Variants in CSMD1 observed in about 807,000 individuals in gnomAD.
CSMD1 encodes the protein CUB and Sushi multiple domains 1.
A neutral mutation model predicts 417.5 loss-of-function variants in CSMD1; 213 were observed. The observed-to-expected ratio is 0.51, with a 90% CI of 0.46 to 0.57. The LOEUF (loss-of-function observed/expected upper bound fraction) is 0.57, where lower values mean the gene tolerates loss of function less well. Among genes scored for constraint, CSMD1 ranks in the 20% least tolerant of loss-of-function variants. The pLI is 0.00. For synonymous variants in CSMD1, 2,862 were observed against 1,736.8 expected, an observed-to-expected ratio of 1.65 and a Z score of -16.11; for missense variants, 6,923 against 4,529.7, an observed-to-expected ratio of 1.53 and a Z score of -15.17.
rs142746744 is a variant in CSMD1 at position 4,165,828 on chromosome 8, C to A, written c.416-133729G>T. On this transcript the variant is annotated intron_variant, in intron 3 of 69. Coordinates refer to ENST00000635120, the MANE Select transcript of CSMD1 (RefSeq NM_033225.6). ...TTATGTCACTCTTACTAGGTTGTTG[C>A]AAAACTAATTGCGTTTTTTGCCATT... 2.6e-5 allele frequency among the ~76,000 whole-genome samples: 4 copies of A among 152,310 alleles called. No homozygotes were observed. In the East Asian group the frequency reaches 7.7e-4, roughly 29 times the overall value.
intron 26 of CSMD1, among the ~76,000 whole-genome samples, chr8:3,240,405 C>T (rs1799420376): frequency 7.2e-6 from 1 of 138,074 alleles, no homozygotes; most frequent in South Asian, 2.7e-4. Flanking sequence ...CGAAAGTATC[C>T]AACCATGCCT....
At chr8:4,131,756 CTTTTTTTTTTTT>C (rs10650865) in intron 3 of CSMD1, among the ~76,000 whole-genome samples, 1 of 87,426 alleles carries the variant, frequency 1.1e-5, no homozygotes, top group Non-Finnish European at 2.0e-5. Context: ...ACAAATGTGA[CTTTTTTTTTTTT>C]TTTTTTTTTT....
At position 3,284,173 on chromosome 8, in the gene CSMD1, C is replaced by A. The variant is rs141191857; in HGVS notation, c.4124G>T (p.Ser1375Ile). Residue 1375 changes from serine to isoleucine, a missense_variant, in exon 26 of 70, where the codon AGC (serine) becomes ATC (isoleucine). Ser to Ile is a moderately radical substitution (Grantham distance 142). Transcript: ENST00000635120. ...TLQFDSDFFI[S>I]KSGFSIQFST... ...GAACTGGATGGAGAAGCCAGACTTG[C>A]TGATGAAGAAGTCGCTGTCGAACTG... The A allele has an allele frequency of 1.9e-6, 3 of 1,582,468 alleles. No individual in the cohort carries two copies. Among genetic ancestry groups the A allele is most frequent in the Non-Finnish European group, 2.6e-6 (3 of 1,164,650 alleles).
At chr8:3,068,198 G>A (rs544769784) in intron 49 of CSMD1, among the ~76,000 whole-genome samples, 77 of 151,970 alleles carry the variant, frequency 5.1e-4, no homozygotes, top group African/African-American at 1.8e-3. Context: ...TTTTCTTCTT[G>A]TCATTTCTAA....
At position 4,656,770 on chromosome 8, in the gene CSMD1, G is replaced by T. The variant is rs114304807; in HGVS notation, c.86-19212C>A. Among the ~76,000 whole-genome samples, 371 of 152,014 alleles carry T rather than the reference G, an allele frequency of 2.4e-3. 4 individuals carry two copies. Among genetic ancestry groups the T allele is most frequent in the African/African-American group, 8.7e-3 (359 of 41,478 alleles). On this transcript the variant is annotated intron_variant, in intron 1 of 69. Coordinates refer to ENST00000635120, the MANE Select transcript of CSMD1 (RefSeq NM_033225.6). ...AATGCCGCAGGAGGCAGTGGCAGAC[G>T]TGATCCTAGAAAGGACCGTCCTGCG...
chr8:3,311,773 G>C (rs572989389), intron 23 of CSMD1, among the ~76,000 whole-genome samples: 79 of 150,330 alleles, frequency 5.3e-4, no homozygotes, highest in Middle Eastern at 3.4e-3. Flanking sequence ...TGATTGTACA[G>C]AAGCGTTTAT....
rs528297431 is a variant in CSMD1 at position 4,929,162 on chromosome 8, G to C, written c.85+65170C>G. Among the ~76,000 whole-genome samples, 4 of 152,282 alleles carry C rather than the reference G, an allele frequency of 2.6e-5. No individual in the cohort carries two copies. In the South Asian group the frequency reaches 6.2e-4, roughly 24 times the overall value. ...GAGAAGATGTGGACACACAGAGAAA[G>C]ACATCAGAGAAGCTCCTGCAAAGGG... On this transcript the variant is annotated intron_variant, in intron 1 of 69. Transcript: ENST00000635120.
chr8:3,945,415 G>A (rs964872253), intron 5 of CSMD1, among the ~76,000 whole-genome samples: 6 of 151,766 alleles, frequency 4.0e-5, no homozygotes, highest in African/African-American at 9.7e-5. Context: ...TTTTTGGGGG[G>A]GCATATTACA....
chr8:4,250,455 G>C (rs1453528691), intron 3 of CSMD1, among the ~76,000 whole-genome samples: 1 of 152,102 alleles, frequency 6.6e-6, no homozygotes, highest in Non-Finnish European at 1.5e-5. Flanking sequence ...ATACATGAGT[G>C]ATATTTGGGT....
At chr8:3,793,270 C>T (rs183052902) in intron 5 of CSMD1, among the ~76,000 whole-genome samples, 6 of 152,336 alleles carry the variant, frequency 3.9e-5, no homozygotes, top group Admixed American at 1.3e-4. Flanking sequence ...GCGACTGCAG[C>T]AGTCTCTCAG....
chr8:4,653,777 T>C (rs997091572), intron 1 of CSMD1, among the ~76,000 whole-genome samples: 2 of 152,136 alleles, frequency 1.3e-5, no homozygotes, highest in Non-Finnish European at 1.5e-5. Flanking sequence ...GTGTAGTAGA[T>C]ATTATTTTGA....
chr8:4,964,502 CAAAAAAAAAA>C (rs10622416), intron 1 of CSMD1, among the ~76,000 whole-genome samples: 1 of 105,976 alleles, frequency 9.4e-6, no homozygotes, highest in Admixed American at 1.2e-4. Context: ...ACCCTGTCTC[CAAAAAAAAAA>C]AAAAAAAAAA....
chr8:3,475,875 CAAATGTGTCAGTG>C (rs1445281010), intron 11 of CSMD1, among the ~76,000 whole-genome samples: 1 of 152,208 alleles, frequency 6.6e-6, no homozygotes. Flanking sequence ...CTTTCCAATG[CAAATGTGTCAGTG>C]TTCTTGAAAG....
intron 23 of CSMD1, among the ~76,000 whole-genome samples, chr8:3,319,681 T>C (rs1197235597): frequency 6.6e-6 from 1 of 152,176 alleles, no homozygotes; most frequent in Non-Finnish European, 1.5e-5. Context: ...ATTATTTGTT[T>C]TTTTTTGCCT....
chr8:3,225,504 A>C (rs1307033031), intron 27 of CSMD1, among the ~76,000 whole-genome samples: 2 of 152,094 alleles, frequency 1.3e-5, no homozygotes, highest in African/African-American at 4.8e-5. Flanking sequence ...CGAGCAGTAC[A>C]AGCGTGGACC....
At chr8:2,999,871 T>C (rs1376497341) in intron 53 of CSMD1, 87 bp downstream of exon 53, 1 of 1,148,746 alleles carries the variant, frequency 8.7e-7, no homozygotes, top group Non-Finnish European at 1.2e-6. Flanking sequence ...CAGTGAAGAT[T>C]AAACAGGTGT....
chr8:4,786,575 C>T (rs1407477121), intron 1 of CSMD1, among the ~76,000 whole-genome samples: 1 of 152,172 alleles, frequency 6.6e-6, no homozygotes, highest in Non-Finnish European at 1.5e-5. Context: ...ATTTAAAATA[C>T]AGCAGTGTGG....
chr8:3,323,479 C>A (rs1334034566), intron 23 of CSMD1, among the ~76,000 whole-genome samples: 1 of 152,238 alleles, frequency 6.6e-6, no homozygotes, highest in South Asian at 2.1e-4. Context: ...ACTCCACACC[C>A]ATGATCTTAC....
chr8:4,834,362 A>G (rs1352932812), intron 1 of CSMD1, among the ~76,000 whole-genome samples: 1 of 152,214 alleles, frequency 6.6e-6, no homozygotes, highest in Non-Finnish European at 1.5e-5. Flanking sequence ...CATCTGTAGG[A>G]AGATATACGT....
Sources: allele counts gnomAD v4.1 joint callset (sites outside exome capture counted in the v4.1 genomes callset), GRCh38; gene constraint gnomAD v4.1.1; transcripts MANE v1.5; gene names NCBI Gene and HGNC (gene_info 2026-07-23, HGNC 2026-07-21).